CAPRIN1: variants seen among roughly 807,000 people sequenced by gnomAD.
CAPRIN1 encodes the protein cell cycle associated protein 1.
Under a neutral mutation model 100.9 loss-of-function variants are expected in CAPRIN1, and 29 were observed. The ratio of observed to expected loss-of-function variants is 0.29; its 90% CI spans 0.21 to 0.39. The LOEUF is 0.39. CAPRIN1 is among the 10% of genes least tolerant of loss of function. The pLI, the probability that CAPRIN1 is intolerant of heterozygous loss-of-function variation, is 1.00. For synonymous variants in CAPRIN1, 338 were observed against 307.5 expected, an observed-to-expected ratio of 1.10 and a Z score of -1.04; for missense variants, 795 against 876.7, an observed-to-expected ratio of 0.91 and a Z score of 1.18.
intron 18 of CAPRIN1, 37 bp from the exon 19 acceptor site, chr11:34,099,266 T>C (rs770797951): frequency 1.7e-5 from 27 of 1,609,124 alleles, no homozygotes; most frequent in Admixed American, 1.7e-5. Context: ...ACAAATAATA[T>C]TTGAAAGAAA....
intron 2 of CAPRIN1, 28 bp from the exon 3 acceptor site, chr11:34,071,698 T>C: frequency 6.5e-7 from 1 of 1,541,022 alleles, no homozygotes; most frequent in Non-Finnish European, 9.0e-7. Context: ...CAAAACGGAA[T>C]GTAATTCTTT....
At chr11:34,053,246 C>G in intron 2 of CAPRIN1, 1 of 703,028 alleles carries the variant, frequency 1.4e-6, no homozygotes, top group Non-Finnish European at 1.7e-6. Flanking sequence ...ACCCCCGCGC[C>G]CATGCGATGG....
chr11:34,077,650 T>C (rs1278251955), intron 6 of CAPRIN1, among the ~76,000 whole-genome samples: 1 of 150,706 alleles, frequency 6.6e-6, no homozygotes, highest in Non-Finnish European at 1.5e-5. Flanking sequence ...GAACATAAAA[T>C]GAAAGTATCT....
At chr11:34,095,715 T>C (rs1851356882) in intron 15 of CAPRIN1, 1 of 152,220 alleles carries the variant, frequency 6.6e-6, no homozygotes, top group African/African-American at 2.4e-5. Context: ...TTCTCCTCTT[T>C]GAATTATAAA....
At chr11:34,086,662 T>C (rs1016051303) in intron 11 of CAPRIN1, among the ~76,000 whole-genome samples, 2 of 152,196 alleles carry the variant, frequency 1.3e-5, no homozygotes, top group African/African-American at 2.4e-5. Context: ...TTAATGAGTT[T>C]TTATAAACTG....
intron 2 of CAPRIN1, among the ~76,000 whole-genome samples, chr11:34,070,466 C>G (rs1850786604): frequency 6.6e-6 from 1 of 152,206 alleles, no homozygotes; most frequent in Admixed American, 6.5e-5. Context: ...ATTATTTCAG[C>G]TAACTGCAGC....
At chr11:34,073,302 CAG>C (rs1484068841) in intron 4 of CAPRIN1, among the ~76,000 whole-genome samples, 1 of 152,118 alleles carries the variant, frequency 6.6e-6, no homozygotes, top group Admixed American at 6.5e-5. Context: ...TCCAGAGAAA[CAG>C]ATCCAATAGG....
Position 34,093,912 on chromosome 11 carries a change from C to T in CAPRIN1, c.1705+1856C>T, listed in dbSNP as rs181744546. Among the ~76,000 whole-genome samples, 5 of 143,818 alleles carry T rather than the reference C, an allele frequency of 3.5e-5. No homozygotes were observed. The East Asian group carries it at 7.7e-4, about 22-fold the overall frequency. 94.4% of individuals were successfully genotyped at this position (143,818 alleles called of 152,430 possible). A position where few individuals can be genotyped will look rare whatever the true frequency, so the allele number is the denominator to read the frequency against. ...ATCTCAGGGCCTTCATACTTACTTT[C>T]CTTCTTGCCGAAAACTTTCTCCCAC... is the stretch of plus-strand genomic sequence containing the variant. On this transcript the variant is annotated intron_variant, in intron 15 of 18. Transcript: ENST00000341394.
chr11:34,076,209 G>A lies in CAPRIN1; in HGVS notation c.367-27G>A, dbSNP rs367546708. 7.8e-6 allele frequency: 12 copies of A among 1,530,386 alleles called. No individual in the cohort carries two copies. In the African/African-American group the frequency reaches 8.3e-5, roughly 11 times the overall value. The allele number at this position is 1,530,386 out of a possible 1,614,324, so 94.8% of individuals were successfully genotyped here. On this transcript the variant is annotated intron_variant, in intron 4 of 18. Transcript: ENST00000341394. The stretch of plus-strand genomic sequence containing the variant: ...ACTAAGTTTTATATAACTAATTTTG[G>A]TGTTTTACTTTTATATTGTTTTGCA...
At chr11:34,089,262 CT>C (rs1565095902) in intron 11 of CAPRIN1, 132 bp from the exon 12 acceptor site, 102 of 624 alleles carry the variant, frequency 0.16, 30 homozygotes, top group Admixed American at 0.21. Flanking sequence ...GAGTGAGACA[CT>C]CCCCCCCCCC....
intron 4 of CAPRIN1, among the ~76,000 whole-genome samples, chr11:34,072,278 C>T (rs530151865): frequency 6.7e-5 from 10 of 150,104 alleles, no homozygotes; most frequent in East Asian, 3.9e-4. Context: ...GAATAGCCAC[C>T]GCACTTCAGC....
intron 2 of CAPRIN1, among the ~76,000 whole-genome samples, chr11:34,068,961 A>G (rs1178374214): frequency 1.3e-5 from 2 of 152,192 alleles, no homozygotes; most frequent in Admixed American, 1.3e-4. Context: ...AGAAAAATGA[A>G]GATAGTAAAT....
chr11:34,098,937 C>T (rs1351765066), intron 18 of CAPRIN1: 1 of 1,086,376 alleles, frequency 9.2e-7, no homozygotes, highest in Admixed American at 4.7e-5. Context: ...AGAGTGTACA[C>T]TAGAATGTAA....
chr11:34,093,191 TTTTTATATATATA>T (rs1486518922), intron 15 of CAPRIN1, among the ~76,000 whole-genome samples: 3 of 28,346 alleles, frequency 1.1e-4, no homozygotes, highest in Non-Finnish European at 2.6e-4. Flanking sequence ...TTTAGATTTT[TTTTTATATATATA>T]TTTTTTTAAG....
At chr11:34,080,780 G>C (rs761675518) in intron 7 of CAPRIN1, among the ~76,000 whole-genome samples, 1 of 152,162 alleles carries the variant, frequency 6.6e-6, no homozygotes, top group Admixed American at 6.6e-5. Flanking sequence ...CAGGTTCCCC[G>C]TTTAGAAAAT....
chr11:34,094,259 T>TCTCCTGCCTCGGCCTCCTGCCTCGGC (rs139351863), intron 15 of CAPRIN1, among the ~76,000 whole-genome samples: 10 of 151,802 alleles, frequency 6.6e-5, no homozygotes, highest in Non-Finnish European at 1.3e-4. Context: ...TTCAAGCGAT[T>TCTCCTGCCTCGGCCTCCTGCCTCGGC]CTCCTGCCTC....
intron 6 of CAPRIN1, among the ~76,000 whole-genome samples, chr11:34,079,366 C>T (rs1433071224): frequency 2.0e-5 from 3 of 152,180 alleles, no homozygotes; most frequent in Non-Finnish European, 4.4e-5. Context: ...CGCCACTGCA[C>T]TCCAGCCTGG....
chr11:34,096,650 G>A lies in CAPRIN1; in HGVS notation c.1877G>A (p.Arg626Gln), dbSNP rs1236654772. 7 of 1,602,476 alleles carry A rather than the reference G, an allele frequency of 4.4e-6. No individual in the cohort carries two copies. The highest frequency in any genetic ancestry group is 6.0e-6 in the Non-Finnish European group (7 of 1,170,694). ...RGARGLMNGY[R>Q]GPANGFRGGY... ...GCTAGAGGCTTGATGAATGGATACC[G>A]GGGCCCTGCCAATGGATTCAGAGGT... Residue 626 changes from arginine to glutamine, a missense_variant, in exon 16 of 19, where the codon CGG becomes CAG. Transcript: ENST00000341394.
chr11:34,080,887 G>C (rs1357937284), intron 7 of CAPRIN1, among the ~76,000 whole-genome samples: 3 of 152,334 alleles, frequency 2.0e-5, no homozygotes, highest in Middle Eastern at 3.4e-3. Flanking sequence ...CATTGGTGGA[G>C]TTAATAGTTG....
Sources: gnomAD v4.1 joint callset for allele counts (sites outside exome capture counted in the v4.1 genomes callset) on GRCh38, gnomAD v4.1.1 for gene constraint, MANE v1.5 for transcripts, NCBI Gene and HGNC (gene_info 2026-07-23, HGNC 2026-07-21) for gene names.